Variants in UQCRFS1 observed in about 807,000 individuals in gnomAD.
The protein encoded by UQCRFS1 is ubiquinol-cytochrome c reductase, Rieske iron-sulfur polypeptide 1, also known as cytochrome b-c1 complex subunit Rieske, mitochondrial.
A neutral mutation model predicts 15.6 loss-of-function variants in UQCRFS1; 6 were observed. That is an observed-to-expected ratio of 0.38 (90% confidence interval 0.21 to 0.76). The LOEUF is 0.76. UQCRFS1 is among the 30% of genes least tolerant of loss of function. UQCRFS1 has a pLI of 0.44. For synonymous variants in UQCRFS1, 105 were observed against 154.3 expected (o/e 0.68, Z 2.37); for missense variants, 203 against 366.7 (o/e 0.55, Z 3.65).
Position 29,206,245 on chromosome 19 carries a change from T to C in UQCRFS1, c.*1303A>G, listed in dbSNP as rs770610252. ...ACACATGCTAATTTCATTTCTAGAA[T>C]GGTAAAAATGAAGCAAAGACTAGTA... On this transcript the variant is annotated 3_prime_UTR_variant, in exon 2 of 2. Transcript: ENST00000304863. 5 of 152,168 alleles carry C rather than the reference T, an allele frequency of 3.3e-5. No individual in the cohort carries two copies. Among genetic ancestry groups the C allele is most frequent in the Non-Finnish European group, 7.3e-5 (5 of 68,028 alleles). 9.4% of individuals were successfully genotyped at this position (152,168 alleles called of 1,614,324 possible).
chr19:29,207,124 T>G lies in UQCRFS1; in HGVS notation c.*424A>C, dbSNP rs1976602130. ...AATAAGGAATACCTAGATACTACTG[T>G]TTCTGTCAATGCCATAGACACTTAG... On this transcript the variant is annotated 3_prime_UTR_variant, in exon 2 of 2. Transcript: ENST00000304863. 5.9e-6 allele frequency: 1 copy of G among 169,048 alleles called. No homozygotes were observed. Among genetic ancestry groups the G allele is most frequent in the African/African-American group, 2.4e-5 (1 of 41,584 alleles). 10.5% of individuals were successfully genotyped at this position (169,048 alleles called of 1,614,324 possible).
chr19:29,210,964 A>G (rs1190144652), intron 1 of UQCRFS1, among the ~76,000 whole-genome samples: 5 of 151,872 alleles, frequency 3.3e-5, no homozygotes, highest in African/African-American at 7.3e-5. Context: ...GAACTAGTTT[A>G]CAGTCCCACC....
intron 1 of UQCRFS1, 82 bp downstream of exon 1, chr19:29,212,823 C>T (rs1169406953): frequency 1.5e-6 from 2 of 1,312,298 alleles, no homozygotes; most frequent in African/African-American, 1.6e-5. Context: ...GCTCGCGCGC[C>T]CGCGGCCGCT....
Position 29,210,687 on chromosome 19 carries a change from A to T in UQCRFS1, c.214+2218T>A, listed in dbSNP as rs536308030. On this transcript the variant is annotated intron_variant, in intron 1 of 1. Transcript: ENST00000304863. ...ATCCATGTCCCTACAAAGGACATGA[A>T]CTCATCATTTTTTATGGCTGCATAG... Among the ~76,000 whole-genome samples the T allele has an allele frequency of 4.6e-5, 7 of 152,160 alleles. No individual in the cohort carries two copies. The South Asian group carries it at 1.5e-3, about 32-fold the overall frequency.
At chr19:29,211,120 A>G (rs1020788760) in intron 1 of UQCRFS1, among the ~76,000 whole-genome samples, 1 of 152,176 alleles carries the variant, frequency 6.6e-6, no homozygotes, top group African/African-American at 2.4e-5. Flanking sequence ...AAATTTTTGC[A>G]ACCTACTCAT....
At chr19:29,211,102 T>C (rs1010535322) in intron 1 of UQCRFS1, among the ~76,000 whole-genome samples, 5 of 152,108 alleles carry the variant, frequency 3.3e-5, no homozygotes, top group African/African-American at 1.2e-4. Flanking sequence ...AACCTAAAAA[T>C]TGGGAGAAAA....
At chr19:29,209,327 T>A (rs1289280417) in intron 1 of UQCRFS1, among the ~76,000 whole-genome samples, 1 of 152,162 alleles carries the variant, frequency 6.6e-6, no homozygotes, top group Non-Finnish European at 1.5e-5. Flanking sequence ...AAAATAAAGA[T>A]CTTTTATGAT....
rs767059944 is a variant in UQCRFS1 at position 29,208,129 on chromosome 19, C to T, written c.244G>A (p.Asp82Asn). Residue 82 changes from aspartate to asparagine, a missense_variant, in exon 2 of 2, where the codon GAC becomes AAC. Around this residue, in one of 3 missense-constraint regions of UQCRFS1, gnomAD observed 92 missense variants for 120.5 expected, o/e 0.76. Coordinates refer to ENST00000304863, the MANE Select transcript of UQCRFS1 (RefSeq NM_006003.3). ...VPASVCYSHT[D>N]IKVPDFSEYR... ...TCAGAGAAGTCAGGCACCTTGATGT[C>T]TGTGTGGGAATAACAAACAGAAGCA... 4 of 1,612,570 alleles carry T rather than the reference C, an allele frequency of 2.5e-6. No homozygotes were observed. The highest frequency in any genetic ancestry group is 2.5e-6 in the Non-Finnish European group (3 of 1,179,540).
intron 1 of UQCRFS1, among the ~76,000 whole-genome samples, 186 bp downstream of exon 1, chr19:29,212,719 C>T (rs931845754): frequency 6.6e-6 from 1 of 152,210 alleles, no homozygotes; most frequent in Non-Finnish European, 1.5e-5. Context: ...AGCCGGCGGA[C>T]GCGAGTCCAG....
rs1334757150 is a variant in UQCRFS1, at chr19:29,213,127, C to T, written c.-9G>A. 5 of 1,520,822 alleles carry T rather than the reference C, an allele frequency of 3.3e-6. No individual in the cohort carries two copies. In the East Asian group the frequency reaches 7.8e-5, roughly 24 times the overall value. The allele number at this position is 1,520,822 out of a possible 1,614,324, so 94.2% of individuals were successfully genotyped here. ...GATGCTACCGACAACATGGCGACAG[C>T]CGCTCCAACCGCCAAGCCGGTCACA... On this transcript the variant is annotated 5_prime_UTR_variant, in exon 1 of 2. Coordinates refer to ENST00000304863, the MANE Select transcript of UQCRFS1 (RefSeq NM_006003.3).
chr19:29,210,380 C>CT lies in UQCRFS1; in HGVS notation c.215-2223dup, dbSNP rs1443891746. On this transcript the variant is annotated intron_variant, in intron 1 of 1. Transcript: ENST00000304863. ...AACCTCCAATTTTTTTTTTATTATA[C>CT]TTTAAGTTTTAGGGTACATGTGCAC... Among the ~76,000 whole-genome samples, 13 of 151,256 alleles carry CT rather than the reference C, an allele frequency of 8.6e-5. No individual in the cohort carries two copies. The South Asian group carries it at 2.3e-3, about 27-fold the overall frequency.
chr19:29,212,840 T>TG, intron 1 of UQCRFS1, 65 bp downstream of exon 1: 2 of 1,345,326 alleles, frequency 1.5e-6, no homozygotes, highest in South Asian at 3.7e-5. Context: ...CGCTCCCTGC[T>TG]GGGGGCCGGA....
In UQCRFS1 at chr19:29,208,078, T is replaced by C; in HGVS notation, c.295A>G (p.Ser99Gly). ...SEYRRLEVLD[S>G]TKSSRESSEA... is the part of the protein sequence containing the mutation. ...CTGCTTTCTCTTGAAGACTTCGTAC[T>C]ATCTAAAACTTCAAGGCGGCGGTAT... Residue 99 changes from serine to glycine, a missense_variant, in exon 2 of 2, where the codon AGT becomes GGT. Coordinates refer to ENST00000304863, the MANE Select transcript of UQCRFS1 (RefSeq NM_006003.3). The C allele has an allele frequency of 6.2e-7, 1 of 1,614,104 alleles. No individual in the cohort carries two copies. Among genetic ancestry groups the C allele is most frequent in the Non-Finnish European group, 8.5e-7 (1 of 1,179,960 alleles).
rs1478471313 is a variant in UQCRFS1, at chr19:29,212,926, C to T, written c.193G>A (p.Val65Ile). 2.1e-6 allele frequency: 3 copies of T among 1,417,674 alleles called. No homozygotes were observed. Among genetic ancestry groups the T allele is most frequent in the South Asian group, 3.0e-5 (2 of 67,032 alleles). 87.8% of individuals were successfully genotyped at this position (1,417,674 alleles called of 1,614,324 possible). The part of the protein sequence containing the change: ...LSGQAVRRPL[V>I]ASVGLNVPAS... ...TCACCATTGAGGCCCACGGAGGCGACCAAAGGCCGGCGCACGGCCTGGCCG... is the reference window on the plus strand; with the variant it reads ...TCACCATTGAGGCCCACGGAGGCGATCAAAGGCCGGCGCACGGCCTGGCCG... Residue 65 changes from valine (V) to isoleucine (I), a missense_variant, in exon 1 of 2, where the codon GTC becomes ATC. By Grantham distance (29) the Val-to-Ile change is conservative. This residue lies in a region of UQCRFS1 where 92 missense variants were observed against 120.5 expected (regional missense o/e 0.76). Transcript: ENST00000304863.
chr19:29,209,954 G>A (rs150370830), intron 1 of UQCRFS1, among the ~76,000 whole-genome samples: 61 of 151,946 alleles, frequency 4.0e-4, no homozygotes, highest in South Asian at 1.3e-3. Context: ...GAATCCTTTC[G>A]GAAATTAAAC....
intron 1 of UQCRFS1, among the ~76,000 whole-genome samples, chr19:29,211,680 C>T (rs1223661689): frequency 6.6e-6 from 1 of 152,156 alleles, no homozygotes; most frequent in African/African-American, 2.4e-5. Flanking sequence ...CTTTATTCAC[C>T]TGATCCTTAA....
At chr19:29,212,494 G>A (rs1325175283) in intron 1 of UQCRFS1, among the ~76,000 whole-genome samples, 1 of 152,036 alleles carries the variant, frequency 6.6e-6, no homozygotes, top group Non-Finnish European at 1.5e-5. Context: ...AAGCATGTAA[G>A]TGCCCAAACT....
In UQCRFS1 at chr19:29,207,334, G is replaced by A; in HGVS notation, c.*214C>T. 1.7e-6 allele frequency: 1 copy of A among 581,534 alleles called. No individual in the cohort carries two copies. Among genetic ancestry groups the A allele is most frequent in the Non-Finnish European group, 2.8e-6 (1 of 351,214 alleles). 36.0% of individuals were successfully genotyped at this position (581,534 alleles called of 1,614,324 possible). On this transcript the variant is annotated 3_prime_UTR_variant, in exon 2 of 2. Coordinates refer to ENST00000304863, the MANE Select transcript of UQCRFS1 (RefSeq NM_006003.3). ...AAGACATTGTACCTTTCGCGTGTATGACTGAGCATAACAGTGCTTAACAGT... is the reference window on the plus strand; with the variant it reads ...AAGACATTGTACCTTTCGCGTGTATAACTGAGCATAACAGTGCTTAACAGT...
rs754594985 is a variant in UQCRFS1 at position 29,208,171 on chromosome 19, CAG to C, written c.215-15_215-14del. 6.6e-5 allele frequency: 106 copies of C among 1,594,442 alleles called. 1 individual carries two copies. The East Asian group carries it at 1.5e-3, about 23-fold the overall frequency. ...ACAGAAGCAGGGACTGCAAGACAAA[CAG>C]AAGGTTAAAAAACACAATTAGATGA... is the stretch of plus-strand genomic sequence containing the variant. On this transcript the variant is annotated splice_polypyrimidine_tract_variant and intron_variant, in intron 1 of 1. Transcript: ENST00000304863.
Sources: gnomAD v4.1 joint callset for allele counts (sites outside exome capture counted in the v4.1 genomes callset) on GRCh38, gnomAD v4.1.1 for gene constraint, gnomAD v4.1.1 regional missense constraint, MANE v1.5 for transcripts, NCBI Gene and HGNC (gene_info 2026-07-23, HGNC 2026-07-21) for gene names.